Variants in RLF observed in about 807,000 individuals in gnomAD.
RLF encodes the protein zinc finger protein Rlf.
A neutral mutation model predicts 162.9 loss-of-function variants in RLF; 7 were observed. The observed-to-expected ratio is 0.04, with a 90% CI of 0.02 to 0.08. The LOEUF is 0.08. Among genes scored for constraint, RLF ranks in the 10% least tolerant of loss-of-function variants. RLF has a pLI of 1.00. For synonymous variants in RLF, 782 were observed against 791.5 expected (o/e 0.99, Z 0.20); for missense variants, 1,664 against 2,244.7 (o/e 0.74, Z 5.23).
intron 5 of RLF, among the ~76,000 whole-genome samples, chr1:40,210,271 A>G (rs545484016): frequency 6.6e-6 from 1 of 152,362 alleles, no homozygotes; most frequent in African/African-American, 2.4e-5. Context: ...ACTAAGCTCA[A>G]TGATTACTGC....
rs768044246 is a variant in RLF at position 40,230,869 on chromosome 1, CGTGA to C, written c.948-644_948-641del. 8.5e-5 allele frequency among the ~76,000 whole-genome samples: 13 copies of C among 152,228 alleles called. 1 individual carries two copies. Among genetic ancestry groups the C allele is most frequent in the East Asian group, 3.9e-4 (2 of 5,190 alleles). On this transcript the variant is annotated intron_variant, in intron 6 of 7. Coordinates refer to ENST00000372771, the MANE Select transcript of RLF (RefSeq NM_012421.4). ...TTGTTGAGTTTCTAATGCTTTTTTG[CGTGA>C]GTGTTTTACCCATTAAATGTTTTTG...
chr1:40,231,890 AGTT>A (rs1643155682), intron 7 of RLF, among the ~76,000 whole-genome samples: 1 of 152,178 alleles, frequency 6.6e-6, no homozygotes, highest in Non-Finnish European at 1.5e-5. Context: ...CTGTGAATGA[AGTT>A]GTGTCTCCTG....
At chr1:40,205,345 A>G (rs1464122599) in intron 5 of RLF, among the ~76,000 whole-genome samples, 1 of 152,150 alleles carries the variant, frequency 6.6e-6, no homozygotes, top group Non-Finnish European at 1.5e-5. Flanking sequence ...CTCTGTCTTC[A>G]AAAAAATAAA....
chr1:40,195,108 C>T (rs1409225321), intron 3 of RLF, among the ~76,000 whole-genome samples: 1 of 151,314 alleles, frequency 6.6e-6, no homozygotes, highest in African/African-American at 2.4e-5. Context: ...GTGCTGAGAT[C>T]ACAGGCATGA....
intron 5 of RLF, among the ~76,000 whole-genome samples, chr1:40,204,924 A>G (rs1341603747): frequency 2.6e-5 from 4 of 152,216 alleles, no homozygotes; most frequent in Non-Finnish European, 4.4e-5. Context: ...TGAAACATCT[A>G]TTCATCTACC....
intron 1 of RLF, among the ~76,000 whole-genome samples, chr1:40,169,634 A>T (rs1420633241): frequency 2.6e-5 from 4 of 151,468 alleles, no homozygotes; most frequent in African/African-American, 9.7e-5. Context: ...AAAAAAAAAA[A>T]AAAAAAAAAA....
intron 1 of RLF, among the ~76,000 whole-genome samples, chr1:40,164,230 A>G (rs1642136011): frequency 6.6e-6 from 1 of 152,216 alleles, no homozygotes; most frequent in South Asian, 2.1e-4. Context: ...ATTTAGTTAG[A>G]AATGTCCTAG....
intron 5 of RLF, among the ~76,000 whole-genome samples, chr1:40,217,859 A>G (rs962984087): frequency 6.6e-6 from 1 of 152,240 alleles, no homozygotes; most frequent in African/African-American, 2.4e-5. Flanking sequence ...TAACCAGCAT[A>G]GTATCACCTT....
At chr1:40,207,902 C>T (rs972684759) in intron 5 of RLF, among the ~76,000 whole-genome samples, 1 of 152,220 alleles carries the variant, frequency 6.6e-6, no homozygotes, top group Non-Finnish European at 1.5e-5. Context: ...TAAGCCACCA[C>T]GCCTGGCCCC....
In RLF at chr1:40,240,179, A is replaced by C; in HGVS notation, c.5477A>C (p.Asp1826Ala). ...GTGAATGACAGTGAACCTGAAGTTG[A>C]CATACCTCATTCTTCCAGTGACTCT... ...NMVNDSEPEV[D>A]IPHSSSDSTI... The change falls in exon 8 of 8, where the codon GAC becomes GCC. Residue 1826 changes from aspartate to alanine, a missense_variant. Coordinates refer to ENST00000372771, the MANE Select transcript of RLF (RefSeq NM_012421.4). 1 of 1,614,192 alleles carries C rather than the reference A, an allele frequency of 6.2e-7. No homozygotes were observed. Among genetic ancestry groups the C allele is most frequent in the South Asian group, 1.1e-5 (1 of 91,088 alleles).
Position 40,238,883 on chromosome 1 carries a change from A to G in RLF, c.4181A>G (p.Glu1394Gly). ...TCTCATAACCTAGACCATATTGAAG[A>G]GCCTAAAGTACTTTCCGAAGCTGGA... The part of the protein sequence containing the change: ...SDSHNLDHIE[E>G]PKVLSEAGSA... Residue 1394 changes from glutamate (E) to glycine (G), a missense_variant, in exon 8 of 8, where the codon GAG becomes GGG. This residue lies in a region of RLF where 200 missense variants were observed against 207.3 expected (regional missense o/e 0.96). Transcript: ENST00000372771. The surrounding 1 kb of genome is among the most constrained non-coding windows in gnomAD (Gnocchi z 5.2). 3 of 1,614,240 alleles carry G rather than the reference A, an allele frequency of 1.9e-6. No homozygotes were observed. Among genetic ancestry groups the G allele is most frequent in the Non-Finnish European group, 2.5e-6 (3 of 1,180,028 alleles).
chr1:40,206,632 A>C (rs546384623), intron 5 of RLF, among the ~76,000 whole-genome samples: 85 of 152,324 alleles, frequency 5.6e-4, no homozygotes, highest in African/African-American at 2.0e-3. Flanking sequence ...CATCTTACTC[A>C]GAATACATTC....
chr1:40,195,821 T>C, intron 4 of RLF, 57 bp downstream of exon 4: 5 of 1,531,340 alleles, frequency 3.3e-6, no homozygotes, highest in Non-Finnish European at 3.5e-6. Flanking sequence ...TGGAATTGAT[T>C]ATGGGTTAAA....
chr1:40,181,086 T>C (rs1470682848), intron 1 of RLF, among the ~76,000 whole-genome samples: 1 of 152,234 alleles, frequency 6.6e-6, no homozygotes, highest in African/African-American at 2.4e-5. Context: ...AAGGTCCAGC[T>C]TCAGTCTATT....
At chr1:40,197,025 A>G (rs1463903535) in intron 4 of RLF, among the ~76,000 whole-genome samples, 1 of 152,216 alleles carries the variant, frequency 6.6e-6, no homozygotes, top group Non-Finnish European at 1.5e-5. Flanking sequence ...ATTTTGAGAT[A>G]TCTTTAGGTC....
In RLF at chr1:40,237,974, G is replaced by T. The variant is rs1248467952; in HGVS notation, c.3272G>T (p.Ser1091Ile). Residue 1091 changes from serine to isoleucine, a missense_variant, in exon 8 of 8, where the codon AGT (serine) becomes ATT (isoleucine). Physicochemically the swap from Ser to Ile is moderately radical, Grantham distance 142. This residue lies in a region of RLF where 295 missense variants were observed against 317.4 expected (regional missense o/e 0.93). Transcript: ENST00000372771. The surrounding 1 kb of genome is among the most constrained non-coding windows in gnomAD (Gnocchi z 4.4). ...GGGTCATTGCAGGGGTACCCATCCA[G>T]TGGTGCTAAGTCTCTTCAGTCAGTT... is the stretch of plus-strand genomic sequence containing the variant. ...FSGSLQGYPSSGAKSLQSVSS... is the reference protein window; with the variant it reads ...FSGSLQGYPSIGAKSLQSVSS... 1.2e-6 allele frequency: 2 copies of T among 1,614,100 alleles called. No homozygotes were observed. The highest frequency in any genetic ancestry group is 4.5e-5 in the East Asian group (2 of 44,882).
At chr1:40,188,956 G>A in intron 1 of RLF, 99 bp from the exon 2 acceptor site, 1 of 741,122 alleles carries the variant, frequency 1.3e-6, no homozygotes, top group East Asian at 2.9e-5. Flanking sequence ...ATATGCATCT[G>A]TTAGAAAAAA....
intron 1 of RLF, among the ~76,000 whole-genome samples, chr1:40,162,173 T>C (rs1425288794): frequency 1.3e-5 from 2 of 151,794 alleles, no homozygotes; most frequent in African/African-American, 4.8e-5. Context: ...CGGTTGGTTG[T>C]TTGGTTTTTG....
At chr1:40,221,945 TTTGA>T (rs1383550848) in intron 5 of RLF, among the ~76,000 whole-genome samples, 2 of 144,974 alleles carry the variant, frequency 1.4e-5, no homozygotes, top group Non-Finnish European at 3.0e-5. Flanking sequence ...CCCAGAAAAA[TTTGA>T]TTGATTTGTC....
Sources: allele counts gnomAD v4.1 joint callset (sites outside exome capture counted in the v4.1 genomes callset), GRCh38; gene constraint gnomAD v4.1.1; regional missense constraint gnomAD v4.1.1; non-coding constraint Gnocchi (gnomAD v3.1); transcripts MANE v1.5; gene names NCBI Gene and HGNC (gene_info 2026-07-23, HGNC 2026-07-21).